Variants in ACSS3 observed in about 807,000 individuals in gnomAD.
ACSS3 encodes acyl-CoA synthetase short chain family member 3.
A neutral mutation model predicts 84.2 loss-of-function variants in ACSS3; 64 were observed. That is an observed-to-expected ratio of 0.76 (90% CI 0.62 to 0.94). The LOEUF is 0.94. ACSS3 is among the 40% of genes least tolerant of loss of function. The pLI is 0.00. For synonymous variants in ACSS3, 317 were observed against 310.1 expected (o/e 1.02, Z -0.23); for missense variants, 815 against 867.6 (o/e 0.94, Z 0.76).
chr12:81,161,171 C>T (rs908602877), intron 7 of ACSS3, among the ~76,000 whole-genome samples: 3 of 152,218 alleles, frequency 2.0e-5, no homozygotes, highest in African/African-American at 7.2e-5. Context: ...GTCCTCATAA[C>T]ATTGAAGAAT....
chr12:81,231,836 T>G (rs1289887364), intron 12 of ACSS3, among the ~76,000 whole-genome samples: 2 of 151,828 alleles, frequency 1.3e-5, no homozygotes, highest in South Asian at 2.1e-4. Flanking sequence ...TCTGCTCACA[T>G]TATCTTTCTG....
At chr12:81,230,776 T>G (rs1347256727) in intron 11 of ACSS3, among the ~76,000 whole-genome samples, 1 of 152,012 alleles carries the variant, frequency 6.6e-6, no homozygotes, top group African/African-American at 2.4e-5. Context: ...ATTATGTTTT[T>G]CACTGAAGCA....
intron 1 of ACSS3, chr12:81,094,654 C>G (rs924029971): frequency 6.6e-6 from 1 of 152,168 alleles, no homozygotes; most frequent in African/African-American, 2.4e-5. Flanking sequence ...TGAATATGCT[C>G]TCTGCCTTCT....
chr12:81,127,549 A>T (rs1885185030), intron 2 of ACSS3, among the ~76,000 whole-genome samples: 1 of 152,208 alleles, frequency 6.6e-6, no homozygotes. Flanking sequence ...AATTATACAT[A>T]TTCTCAAGAA....
At chr12:81,231,745 A>G (rs919729106) in intron 12 of ACSS3, among the ~76,000 whole-genome samples, 1 of 151,832 alleles carries the variant, frequency 6.6e-6, no homozygotes, top group East Asian at 1.9e-4. Flanking sequence ...ACATTCTGTC[A>G]TTGTGTGAAA....
chr12:81,115,827 CCT>C (rs1883997749), intron 2 of ACSS3, among the ~76,000 whole-genome samples: 1 of 151,968 alleles, frequency 6.6e-6, no homozygotes, highest in Non-Finnish European at 1.5e-5. Context: ...GACATTTGCC[CCT>C]GTTTAAAAAA....
intron 3 of ACSS3, among the ~76,000 whole-genome samples, chr12:81,135,307 A>G (rs1296969477): frequency 6.9e-6 from 1 of 145,238 alleles, no homozygotes; most frequent in Admixed American, 7.1e-5. Flanking sequence ...AATATATATT[A>G]TATATCACAT....
At chr12:81,170,885 G>T (rs924372773) in intron 7 of ACSS3, among the ~76,000 whole-genome samples, 5 of 152,094 alleles carry the variant, frequency 3.3e-5, no homozygotes, top group African/African-American at 1.2e-4. Context: ...GCGTGTGCAT[G>T]AAGGCAGGAG....
chr12:81,140,976 T>G (rs1451421725), intron 4 of ACSS3, among the ~76,000 whole-genome samples: 1 of 152,192 alleles, frequency 6.6e-6, no homozygotes, highest in African/African-American at 2.4e-5. Context: ...TAGCCTTATT[T>G]TGGAGATAAA....
chr12:81,231,199 A>G, intron 12 of ACSS3, 61 bp downstream of exon 12: 1 of 1,340,498 alleles, frequency 7.5e-7, no homozygotes, highest in East Asian at 2.4e-5. Context: ...CTTGCCTATT[A>G]AATTGAGAAA....
intron 3 of ACSS3, among the ~76,000 whole-genome samples, chr12:81,138,428 GAA>G (rs1421982940): frequency 6.6e-6 from 1 of 152,124 alleles, no homozygotes; most frequent in African/African-American, 2.4e-5. Context: ...AGAATGTACT[GAA>G]AAGAGAGGTT....
intron 9 of ACSS3, among the ~76,000 whole-genome samples, chr12:81,202,351 A>G (rs141280969): frequency 1.9e-3 from 294 of 152,218 alleles, no homozygotes; most frequent in African/African-American, 6.8e-3. Flanking sequence ...CTAAGGTGCT[A>G]TCAAATTGAT....
At chr12:81,214,735 G>A (rs940390340) in intron 9 of ACSS3, among the ~76,000 whole-genome samples, 9 of 152,104 alleles carry the variant, frequency 5.9e-5, no homozygotes, top group African/African-American at 9.7e-5. Context: ...CTCCCAGTGC[G>A]ATAGGAACAA....
chr12:81,209,914 G>A (rs572554139), intron 9 of ACSS3, among the ~76,000 whole-genome samples: 45 of 152,246 alleles, frequency 3.0e-4, no homozygotes, highest in African/African-American at 1.1e-3. Context: ...GCATGCTAAT[G>A]CATTATAATT....
intron 5 of ACSS3, among the ~76,000 whole-genome samples, chr12:81,148,057 G>T (rs1249513671): frequency 6.6e-6 from 1 of 151,474 alleles, no homozygotes; most frequent in Non-Finnish European, 1.5e-5. Flanking sequence ...CAAAATAAAT[G>T]ATAGAGGGAC....
At chr12:81,209,016 TA>T (rs756517188) in intron 9 of ACSS3, among the ~76,000 whole-genome samples, 35 of 152,322 alleles carry the variant, frequency 2.3e-4, no homozygotes, top group Non-Finnish European at 4.1e-4. Flanking sequence ...AAAGGAATCA[TA>T]ATGGTAACAT....
intron 1 of ACSS3, among the ~76,000 whole-genome samples, chr12:81,091,878 A>G (rs552097036): frequency 1.3e-5 from 2 of 152,248 alleles, no homozygotes; most frequent in East Asian, 3.9e-4. Context: ...TCTTAAAAGC[A>G]TCCTGAGTTC....
At chr12:81,096,235 GAA>G (rs1413195218) in intron 1 of ACSS3, among the ~76,000 whole-genome samples, 7 of 152,182 alleles carry the variant, frequency 4.6e-5, no homozygotes. Context: ...TGTCAGAAGA[GAA>G]AGTGTCAGGA....
intron 8 of ACSS3, among the ~76,000 whole-genome samples, chr12:81,183,305 A>C (rs891260638): frequency 1.3e-5 from 2 of 152,176 alleles, no homozygotes; most frequent in African/African-American, 4.8e-5. Flanking sequence ...CAAAACAAAA[A>C]TCTACAACAG....
Sources: gnomAD v4.1 joint callset for allele counts (sites outside exome capture counted in the v4.1 genomes callset) on GRCh38, gnomAD v4.1.1 for gene constraint, MANE v1.5 for transcripts, NCBI Gene and HGNC (gene_info 2026-07-23, HGNC 2026-07-21) for gene names.